Variants in B3GNT2 observed in about 807,000 individuals in gnomAD.
B3GNT2 encodes N-acetyllactosaminide beta-1,3-N-acetylglucosaminyltransferase 2.
B3GNT2 carries 12 observed loss-of-function variants against 27.6 expected under a neutral mutation model. The ratio of observed to expected loss-of-function variants is 0.44; its 90% CI spans 0.28 to 0.71. The LOEUF (loss-of-function observed/expected upper bound fraction) is 0.71. Ranked by LOEUF, B3GNT2 falls within the 30% of genes least tolerant of loss-of-function variation. The pLI, the probability that B3GNT2 is intolerant of heterozygous loss-of-function variation, is 0.17. For missense variants in B3GNT2, 413 were observed against 488.5 expected, an observed-to-expected ratio of 0.85 and a Z score of 1.46; for synonymous variants, 192 against 189.7, an observed-to-expected ratio of 1.01 and a Z score of -0.10.
intron 1 of B3GNT2, among the ~76,000 whole-genome samples, chr2:62,218,586 C>T (rs1462689173): frequency 6.6e-6 from 1 of 152,134 alleles, no homozygotes; most frequent in Non-Finnish European, 1.5e-5. Flanking sequence ...TCACTGTTGA[C>T]CTGGTCCAGG....
chr2:62,212,571 T>G (rs184494978), intron 1 of B3GNT2, among the ~76,000 whole-genome samples: 10 of 151,866 alleles, frequency 6.6e-5, no homozygotes, highest in Admixed American at 5.2e-4. Context: ...TCTGTCTGCT[T>G]GACTGTCTAC....
In B3GNT2 at chr2:62,196,210, CG is replaced by C. The variant is rs1221220085; in HGVS notation, c.-152del. ...GAGCAGTCCCTGCCGCCGACACCGC[CG>C]GGCCGCCCGTCCGGGGCGCCGCGCA... On this transcript the variant is annotated 5_prime_UTR_variant, in exon 1 of 2. Transcript: ENST00000301998. The C allele has an allele frequency of 6.6e-6, 1 of 151,798 alleles. No homozygotes were observed. Among genetic ancestry groups the C allele is most frequent in the Non-Finnish European group, 1.5e-5 (1 of 67,952 alleles). 9.4% of individuals were successfully genotyped at this position (151,798 alleles called of 1,614,324 possible).
chr2:62,218,552 G>A (rs1475401663), intron 1 of B3GNT2, among the ~76,000 whole-genome samples: 6 of 152,082 alleles, frequency 3.9e-5, no homozygotes, highest in East Asian at 1.9e-4. Context: ...CCATGATCCC[G>A]TGCCATAATC....
chr2:62,213,942 C>T (rs746629774), intron 1 of B3GNT2, among the ~76,000 whole-genome samples: 7 of 152,098 alleles, frequency 4.6e-5, no homozygotes, highest in Non-Finnish European at 7.3e-5. Flanking sequence ...TCAGGTACCA[C>T]GTGCTGGAGT....
intron 1 of B3GNT2, among the ~76,000 whole-genome samples, 189 bp downstream of exon 1, chr2:62,196,544 G>C (rs981797868): frequency 3.3e-5 from 5 of 152,190 alleles, no homozygotes; most frequent in African/African-American, 1.2e-4. Flanking sequence ...GCCGTCCCTA[G>C]GTGGCTCCTG....
intron 1 of B3GNT2, among the ~76,000 whole-genome samples, chr2:62,207,181 GT>G (rs1478174309): frequency 2.6e-5 from 4 of 151,658 alleles, no homozygotes; most frequent in Non-Finnish European, 5.9e-5. Context: ...AAACTCTACA[GT>G]TTTGTTTTTT....
At chr2:62,198,299 C>A (rs1674194692) in intron 1 of B3GNT2, among the ~76,000 whole-genome samples, 1 of 152,218 alleles carries the variant, frequency 6.6e-6, no homozygotes, top group Non-Finnish European at 1.5e-5. Flanking sequence ...TCATTTTACA[C>A]ATCTGGTTTT....
At chr2:62,205,892 A>G (rs1674362171) in intron 1 of B3GNT2, 1 of 154,192 alleles carries the variant, frequency 6.5e-6, no homozygotes, top group Admixed American at 6.5e-5. Context: ...AGGAGAGTGG[A>G]TTCCAGGTGG....
chr2:62,214,375 A>G (rs987994110), intron 1 of B3GNT2, among the ~76,000 whole-genome samples: 144 of 149,264 alleles, frequency 9.6e-4, no homozygotes, highest in Non-Finnish European at 1.7e-3. Flanking sequence ...CAGTGGCGTA[A>G]TAGAAGCACC....
Position 62,222,098 on chromosome 2 carries a change from A to G in B3GNT2, c.-9-114A>G. The G allele has an allele frequency of 2.1e-6, 2 of 934,602 alleles. No homozygotes were observed. The highest frequency in any genetic ancestry group is 3.2e-6 in the Non-Finnish European group (2 of 630,616). 57.9% of individuals were successfully genotyped at this position (934,602 alleles called of 1,614,324 possible). On this transcript the variant is annotated intron_variant, in intron 1 of 1. Coordinates refer to ENST00000301998, the MANE Select transcript of B3GNT2 (RefSeq NM_006577.6). The surrounding 1 kb of genome is among the most constrained non-coding windows in gnomAD (Gnocchi z 4.2). ...GCCAAGATTTGAACCTAGGCAGTGC[A>G]AGTGTAGAGTCTTTGCTGTAAACCA... is the stretch of plus-strand genomic sequence containing the variant.
intron 1 of B3GNT2, among the ~76,000 whole-genome samples, chr2:62,198,629 T>G (rs992224810): frequency 3.3e-5 from 5 of 152,236 alleles, no homozygotes; most frequent in African/African-American, 1.2e-4. Context: ...AATTTTTTTC[T>G]GGGCTTCTGG....
intron 1 of B3GNT2, among the ~76,000 whole-genome samples, chr2:62,202,465 A>G (rs954847934): frequency 3.3e-5 from 5 of 152,192 alleles, no homozygotes; most frequent in Non-Finnish European, 1.5e-5. Context: ...GAAAGGTGTA[A>G]TAGGCCATGA....
chr2:62,205,382 T>C (rs1674353838), intron 1 of B3GNT2, among the ~76,000 whole-genome samples: 1 of 152,260 alleles, frequency 6.6e-6, no homozygotes, highest in Non-Finnish European at 1.5e-5. Context: ...GCCTCCCCTT[T>C]TATAGAACAT....
chr2:62,211,559 T>C (rs906749121), intron 1 of B3GNT2, among the ~76,000 whole-genome samples: 2 of 152,218 alleles, frequency 1.3e-5, no homozygotes, highest in African/African-American at 4.8e-5. Context: ...TTTTCCCTTA[T>C]TTCATGTTCC....
At chr2:62,217,092 G>A (rs964474905) in intron 1 of B3GNT2, among the ~76,000 whole-genome samples, 2 of 152,224 alleles carry the variant, frequency 1.3e-5, no homozygotes, top group African/African-American at 4.8e-5. Flanking sequence ...ACTTAAGATA[G>A]TACACTGCCT....
intron 1 of B3GNT2, among the ~76,000 whole-genome samples, chr2:62,217,209 C>G (rs2104207213): frequency 6.6e-6 from 1 of 152,312 alleles, no homozygotes; most frequent in South Asian, 2.1e-4. Flanking sequence ...AGACACAAAT[C>G]CCTTCAGTTC....
intron 1 of B3GNT2, among the ~76,000 whole-genome samples, chr2:62,204,418 ATG>A (rs1452359796): frequency 6.6e-6 from 1 of 152,192 alleles, no homozygotes; most frequent in Non-Finnish European, 1.5e-5. Flanking sequence ...TTTTATGTGC[ATG>A]TGTGTTTTTA....
chr2:62,219,780 G>A (rs1409701265), intron 1 of B3GNT2, among the ~76,000 whole-genome samples: 3 of 152,150 alleles, frequency 2.0e-5, no homozygotes, highest in African/African-American at 4.8e-5. Flanking sequence ...GAGTTATCAC[G>A]GAAGTCTCCA....
intron 1 of B3GNT2, among the ~76,000 whole-genome samples, chr2:62,217,658 G>A (rs1469511386): frequency 6.6e-6 from 1 of 152,220 alleles, no homozygotes; most frequent in Non-Finnish European, 1.5e-5. Context: ...GCATGGGGCT[G>A]TGTGCTGTAT....
Sources: gnomAD v4.1 joint callset for allele counts (sites outside exome capture counted in the v4.1 genomes callset) on GRCh38, gnomAD v4.1.1 for gene constraint, Gnocchi (gnomAD v3.1) non-coding constraint, MANE v1.5 for transcripts, NCBI Gene and HGNC (gene_info 2026-07-23, HGNC 2026-07-21) for gene names.